The following GOLPH3 variants were observed in gnomAD, a reference collection of about 807,000 sequenced individuals.
The protein encoded by GOLPH3 is coat protein GPP34.
In GOLPH3, 14 loss-of-function variants were observed where a neutral mutation model predicts 28.5. The ratio of observed to expected loss-of-function variants is 0.49; its 90% CI spans 0.32 to 0.77. The LOEUF is 0.77. Among genes scored for constraint, GOLPH3 ranks in the 30% least tolerant of loss-of-function variants. The pLI is 0.03. For synonymous variants in GOLPH3, 158 were observed against 159.2 expected (o/e 0.99, Z 0.06); for missense variants, 350 against 393.7 (o/e 0.89, Z 0.94).
At chr5:32,147,676 G>T (rs1746208512) in intron 1 of GOLPH3, among the ~76,000 whole-genome samples, 1 of 152,080 alleles carries the variant, frequency 6.6e-6, no homozygotes, top group Non-Finnish European at 1.5e-5. Flanking sequence ...TTTCCTTACT[G>T]ATCAACTATA....
chr5:32,137,965 G>A (rs1451563145), intron 2 of GOLPH3, among the ~76,000 whole-genome samples: 4 of 148,702 alleles, frequency 2.7e-5, no homozygotes, highest in East Asian at 2.0e-4. Flanking sequence ...GTGCAATGGC[G>A]TGATCTCAGC....
chr5:32,142,446 G>A (rs548536316), intron 2 of GOLPH3, among the ~76,000 whole-genome samples: 6 of 149,848 alleles, frequency 4.0e-5, no homozygotes, highest in Admixed American at 1.3e-4. Flanking sequence ...GTCTCCGCCC[G>A]GCAGCCACCT....
At position 32,158,023 on chromosome 5, in the gene GOLPH3, T is replaced by TAAATAAAATACAC. The variant is rs377527601; in HGVS notation, c.226-14144_226-14143insGTGTATTTTATTT. On this transcript the variant is annotated intron_variant, in intron 1 of 3. Transcript: ENST00000265070. ...TAAATAAATAAATAAATAAATAAAA[T>TAAATAAAATACAC]ACACACACACACACACACACACACA... Among the ~76,000 whole-genome samples, 67 of 26,750 alleles carry TAAATAAAATACAC rather than the reference T, an allele frequency of 2.5e-3. 8 individuals carry two copies. Among genetic ancestry groups the TAAATAAAATACAC allele is most frequent in the African/African-American group, 8.8e-3 (65 of 7,364 alleles). The allele number at this position is 26,750 out of a possible 152,430, so 17.5% of individuals were successfully genotyped here.
intron 1 of GOLPH3, among the ~76,000 whole-genome samples, chr5:32,173,173 G>A (rs1746881894): frequency 6.6e-6 from 1 of 152,012 alleles, no homozygotes; most frequent in Non-Finnish European, 1.5e-5. Flanking sequence ...AAATATAAAA[G>A]CGATACTAAA....
chr5:32,161,079 A>T (rs1373837647), intron 1 of GOLPH3, among the ~76,000 whole-genome samples: 1 of 148,160 alleles, frequency 6.7e-6, no homozygotes, highest in Non-Finnish European at 1.5e-5. Flanking sequence ...AAAAAAAAAA[A>T]AAAAAAAAAA....
intron 2 of GOLPH3, among the ~76,000 whole-genome samples, chr5:32,142,971 C>T (rs575535493): frequency 3.3e-5 from 5 of 152,156 alleles, no homozygotes; most frequent in Non-Finnish European, 7.4e-5. Context: ...TCACTGAGAA[C>T]GGGCCATGAT....
At chr5:32,134,528 A>T (rs1745892772) in intron 3 of GOLPH3, among the ~76,000 whole-genome samples, 1 of 151,788 alleles carries the variant, frequency 6.6e-6, no homozygotes, top group Non-Finnish European at 1.5e-5. Flanking sequence ...AATAAAAAAA[A>T]AAAAAAAAAA....
intron 1 of GOLPH3, among the ~76,000 whole-genome samples, chr5:32,153,825 A>T (rs1746361288): frequency 6.6e-6 from 1 of 152,208 alleles, no homozygotes; most frequent in South Asian, 2.1e-4. Flanking sequence ...AGAGTCCTAC[A>T]AGCAGTAACA....
intron 2 of GOLPH3, among the ~76,000 whole-genome samples, chr5:32,140,495 TAAA>T (rs566905089): frequency 1.3e-3 from 177 of 135,750 alleles, no homozygotes; most frequent in African/African-American, 4.8e-3. Flanking sequence ...ACTAAACATA[TAAA>T]AAAAAAAAAA....
At chr5:32,148,595 A>G (rs957724029) in intron 1 of GOLPH3, among the ~76,000 whole-genome samples, 1 of 152,186 alleles carries the variant, frequency 6.6e-6, no homozygotes, top group African/African-American at 2.4e-5. Context: ...CAGGAGATCG[A>G]GACCATCCTG....
chr5:32,172,839 C>T (rs1746873599), intron 1 of GOLPH3, among the ~76,000 whole-genome samples: 1 of 152,206 alleles, frequency 6.6e-6, no homozygotes, highest in African/African-American at 2.4e-5. Flanking sequence ...CCAGCCTGGG[C>T]AACAAGAGCG....
At chr5:32,137,902 TTTTTTTG>T (rs1745970650) in intron 2 of GOLPH3, among the ~76,000 whole-genome samples, 1 of 4,550 alleles carries the variant, frequency 2.2e-4, no homozygotes, top group African/African-American at 1.4e-3. Flanking sequence ...ACATTACGGT[TTTTTTTG>T]TTTTTTTTTT....
chr5:32,136,481 TAA>T (rs199826363), intron 2 of GOLPH3, among the ~76,000 whole-genome samples: 28 of 121,196 alleles, frequency 2.3e-4, no homozygotes, highest in Admixed American at 1.7e-4. Context: ...AACTCCGACT[TAA>T]AAAAAAAAAA....
intron 1 of GOLPH3, among the ~76,000 whole-genome samples, chr5:32,148,310 A>T (rs1279008451): frequency 6.6e-6 from 1 of 152,240 alleles, no homozygotes; most frequent in African/African-American, 2.4e-5. Context: ...TGCAACCGCT[A>T]AACATTTTAC....
intron 1 of GOLPH3, among the ~76,000 whole-genome samples, chr5:32,161,445 A>G (rs1372335875): frequency 6.7e-6 from 1 of 149,854 alleles, no homozygotes; most frequent in African/African-American, 2.5e-5. Flanking sequence ...AAAAAAAACC[A>G]AAGCTGAGAA....
At chr5:32,141,892 G>C (rs550696929) in intron 2 of GOLPH3, among the ~76,000 whole-genome samples, 4 of 83,978 alleles carry the variant, frequency 4.8e-5, no homozygotes, top group South Asian at 3.0e-4. Flanking sequence ...ACGGAGTCTC[G>C]TTCACTCAGT....
chr5:32,173,635 G>C (rs900586423), intron 1 of GOLPH3, 175 bp downstream of exon 1: 1 of 406,428 alleles, frequency 2.5e-6, no homozygotes, highest in African/African-American at 2.1e-5. Flanking sequence ...CGCGCCAGGG[G>C]GTCAACCAAC....
At chr5:32,151,632 A>G (rs1481663301) in intron 1 of GOLPH3, among the ~76,000 whole-genome samples, 2 of 152,240 alleles carry the variant, frequency 1.3e-5, no homozygotes, top group Non-Finnish European at 2.9e-5. Context: ...AAAAATATAC[A>G]TTTAAAATAC....
chr5:32,140,940 A>G (rs754666775), intron 2 of GOLPH3, among the ~76,000 whole-genome samples: 8 of 152,072 alleles, frequency 5.3e-5, no homozygotes, highest in African/African-American at 1.2e-4. Flanking sequence ...AGGCGAGCGG[A>G]TCACTTGAGC....
Sources: gnomAD v4.1 joint callset for allele counts (sites outside exome capture counted in the v4.1 genomes callset) on GRCh38, gnomAD v4.1.1 for gene constraint, MANE v1.5 for transcripts, NCBI Gene and HGNC (gene_info 2026-07-23, HGNC 2026-07-21) for gene names.